ADAMTSL1: variants seen among roughly 807,000 people sequenced by gnomAD.
ADAMTSL1 encodes the protein ADAMTS like 1, also known as ADAMTS-like protein 1.
Under a neutral mutation model 201.8 loss-of-function variants are expected in ADAMTSL1, and 126 were observed. That is an observed-to-expected ratio of 0.62 (90% CI 0.54 to 0.72). ADAMTSL1 has a LOEUF of 0.72. Ranked by LOEUF, ADAMTSL1 falls within the 30% of genes least tolerant of loss-of-function variation. The probability of loss-of-function intolerance (pLI) is 0.00; values close to 1 mark genes in which losing one functional copy is unlikely to be tolerated. For synonymous variants in ADAMTSL1, 1,121 were observed against 903.4 expected (o/e 1.24, Z -4.32); for missense variants, 2,679 against 2,277.8 (o/e 1.18, Z -3.59).
chr9:18,640,809 C>T (rs903977236), intron 7 of ADAMTSL1, among the ~76,000 whole-genome samples: 5 of 152,060 alleles, frequency 3.3e-5, no homozygotes, highest in East Asian at 3.9e-4. Context: ...GCTGCCACTG[C>T]GTTAGCGCAG....
At chr9:18,794,872 T>C (rs113935904) in intron 19 of ADAMTSL1, among the ~76,000 whole-genome samples, 37,702 of 152,030 alleles carry the variant, frequency 0.25, 4,778 homozygotes, top group Admixed American at 0.31. Context: ...GAACTCCTGG[T>C]CTCAGGTGAT....
intron 3 of ADAMTSL1, among the ~76,000 whole-genome samples, chr9:18,554,474 T>C: frequency 6.6e-6 from 1 of 151,812 alleles, no homozygotes; most frequent in Non-Finnish European, 1.5e-5. Flanking sequence ...GAGGAGGATG[T>C]TGGCATAGGG....
At chr9:18,289,156 T>TCTAG (rs1563861508) in intron 2 of ADAMTSL1, among the ~76,000 whole-genome samples, 1 of 117,544 alleles carries the variant, frequency 8.5e-6, no homozygotes, top group Non-Finnish European at 1.7e-5. Flanking sequence ...TATCTATCTA[T>TCTAG]CTATCTATCT....
chr9:18,273,799 C>A (rs1832479707), intron 2 of ADAMTSL1, among the ~76,000 whole-genome samples: 1 of 152,176 alleles, frequency 6.6e-6, no homozygotes, highest in African/African-American at 2.4e-5. Flanking sequence ...AATGTGAAGG[C>A]TCCATATCTT....
chr9:18,288,754 C>G (rs1478682260), intron 2 of ADAMTSL1, among the ~76,000 whole-genome samples: 1 of 152,224 alleles, frequency 6.6e-6, no homozygotes, highest in Non-Finnish European at 1.5e-5. Flanking sequence ...GAGAAATACC[C>G]TCAGGTCTCT....
At chr9:18,277,296 T>C (rs552139674) in intron 2 of ADAMTSL1, among the ~76,000 whole-genome samples, 1 of 152,328 alleles carries the variant, frequency 6.6e-6, no homozygotes, top group Admixed American at 6.5e-5. Context: ...AGTTTCCTTG[T>C]TGATTTTCTG....
chr9:17,926,542 C>T (rs895465280), intron 1 of ADAMTSL1, among the ~76,000 whole-genome samples: 3 of 152,158 alleles, frequency 2.0e-5, no homozygotes, highest in Non-Finnish European at 2.9e-5. Context: ...ATAAATACTT[C>T]CACTCAGAGG....
chr9:18,659,628 G>A (rs1369701972), intron 8 of ADAMTSL1, among the ~76,000 whole-genome samples: 2 of 152,170 alleles, frequency 1.3e-5, no homozygotes, highest in African/African-American at 4.8e-5. Context: ...TTAGCTGGGT[G>A]TGGTGGCGCG....
At chr9:18,780,523 A>AT (rs1389706201) in intron 19 of ADAMTSL1, among the ~76,000 whole-genome samples, 1 of 152,160 alleles carries the variant, frequency 6.6e-6, no homozygotes, top group Non-Finnish European at 1.5e-5. Flanking sequence ...ATCACACTTG[A>AT]TTTTTTATTA....
intron 2 of ADAMTSL1, among the ~76,000 whole-genome samples, chr9:18,224,271 G>A (rs1830364350): frequency 6.6e-6 from 1 of 152,120 alleles, no homozygotes; most frequent in African/African-American, 2.4e-5. Flanking sequence ...TTCGGTGTCT[G>A]GTCTCTGCTT....
At chr9:18,066,464 C>G (rs1051651704) in intron 1 of ADAMTSL1, among the ~76,000 whole-genome samples, 3 of 152,122 alleles carry the variant, frequency 2.0e-5, no homozygotes, top group African/African-American at 7.2e-5. Flanking sequence ...ATGCATCCAT[C>G]CCTTTTGAAA....
At chr9:18,546,856 T>C (rs1820500335) in intron 3 of ADAMTSL1, among the ~76,000 whole-genome samples, 1 of 152,174 alleles carries the variant, frequency 6.6e-6, no homozygotes, top group African/African-American at 2.4e-5. Flanking sequence ...TTTTAACTGC[T>C]GTATTTATTA....
intron 1 of ADAMTSL1, among the ~76,000 whole-genome samples, chr9:18,492,662 T>G (rs896672533): frequency 6.6e-6 from 1 of 152,206 alleles, no homozygotes; most frequent in Non-Finnish European, 1.5e-5. Flanking sequence ...ACAGAGCAAA[T>G]GCTTATGTTC....
chr9:18,125,020 C>T (rs974422151), intron 1 of ADAMTSL1, among the ~76,000 whole-genome samples: 4 of 152,092 alleles, frequency 2.6e-5, no homozygotes, highest in African/African-American at 9.7e-5. Context: ...AGGCAAGTCC[C>T]ATCTCTTGCT....
At chr9:18,550,643 TG>T (rs1179905569) in intron 3 of ADAMTSL1, among the ~76,000 whole-genome samples, 2 of 151,952 alleles carry the variant, frequency 1.3e-5, no homozygotes, top group Non-Finnish European at 2.9e-5. Context: ...GCCTTGATTT[TG>T]GCCCAGGGAA....
At chr9:17,963,750 A>G (rs1015949372) in intron 1 of ADAMTSL1, among the ~76,000 whole-genome samples, 2 of 152,116 alleles carry the variant, frequency 1.3e-5, no homozygotes, top group Non-Finnish European at 2.9e-5. Flanking sequence ...CCTCTAGCCT[A>G]ACAGAAATTT....
At chr9:18,095,048 G>C (rs1397816607) in intron 1 of ADAMTSL1, among the ~76,000 whole-genome samples, 1 of 152,160 alleles carries the variant, frequency 6.6e-6, no homozygotes, top group Non-Finnish European at 1.5e-5. Context: ...TTCAGAGGTA[G>C]ACCTTTGGTG....
At chr9:18,890,202 T>C (rs1829157941) in intron 25 of ADAMTSL1, among the ~76,000 whole-genome samples, 1 of 152,182 alleles carries the variant, frequency 6.6e-6, no homozygotes, top group African/African-American at 2.4e-5. Flanking sequence ...TCCAGTTCAG[T>C]TGGGGAAATC....
chr9:18,190,407 G>C (rs1279963809), intron 2 of ADAMTSL1, among the ~76,000 whole-genome samples: 2 of 152,132 alleles, frequency 1.3e-5, no homozygotes, highest in Non-Finnish European at 2.9e-5. Context: ...GAGAGATTAG[G>C]AACTGTCATT....
Sources: gnomAD v4.1 joint callset for allele counts (sites outside exome capture counted in the v4.1 genomes callset) on GRCh38, gnomAD v4.1.1 for gene constraint, MANE v1.5 for transcripts, NCBI Gene and HGNC (gene_info 2026-07-23, HGNC 2026-07-21) for gene names.